Variants in AGPAT4 observed in about 807,000 individuals in gnomAD.
The protein encoded by AGPAT4 is 1-acyl-sn-glycerol-3-phosphate acyltransferase delta.
Under a neutral mutation model 48.0 loss-of-function variants are expected in AGPAT4, and 15 were observed. The observed-to-expected ratio is 0.31, with a 90% CI of 0.21 to 0.48. The LOEUF is 0.48. AGPAT4 is among the 20% of genes least tolerant of loss of function. AGPAT4 has a pLI of 0.99. For synonymous variants in AGPAT4, 178 were observed against 198.7 expected, an observed-to-expected ratio of 0.90 and a Z score of 0.88; for missense variants, 314 against 482.5, an observed-to-expected ratio of 0.65 and a Z score of 3.27.
In AGPAT4 at chr6:161,202,886, A is replaced by G. The variant is rs1330703362; in HGVS notation, c.178+29150T>C. 1.3e-4 allele frequency among the ~76,000 whole-genome samples: 20 copies of G among 152,186 alleles called. No homozygotes were observed. Among genetic ancestry groups the G allele is most frequent in the African/African-American group, 1.2e-4 (5 of 41,450 alleles). On this transcript the variant is annotated intron_variant, in intron 2 of 8. Transcript: ENST00000320285. This position sits in a 1 kb window ranked among gnomAD's most constrained non-coding sequence, Gnocchi z 5.4. ...TCTGCCATGGGGAAGCCTGGGCTAT[A>G]TGGATAGGTTACTCCAGTTGACAGC...
chr6:161,188,887 T>C (rs1487201729), intron 2 of AGPAT4, among the ~76,000 whole-genome samples: 1 of 152,070 alleles, frequency 6.6e-6, no homozygotes, highest in Non-Finnish European at 1.5e-5. Context: ...ATTTCACCAA[T>C]GGCAAATGGA....
intron 2 of AGPAT4, among the ~76,000 whole-genome samples, chr6:161,211,094 C>T (rs1781511359): frequency 6.6e-6 from 1 of 152,166 alleles, no homozygotes; most frequent in Non-Finnish European, 1.5e-5. Flanking sequence ...ATCTTTTTCA[C>T]GGTCTCAGTT....
In AGPAT4 at chr6:161,132,489, A is replaced by C. The variant is rs1778933022; in HGVS notation, c.*4051T>G. On this transcript the variant is annotated 3_prime_UTR_variant, in exon 9 of 9. Transcript: ENST00000320285. ...GCAGATGCCGCACTCAGCAGCCTGG[A>C]ATGCCAGCTCTCATGCCCTCACCTA... is the stretch of plus-strand genomic sequence containing the variant. 6.6e-6 allele frequency: 1 copy of C among 152,414 alleles called. No homozygotes were observed. The highest frequency in any genetic ancestry group is 2.4e-5 in the African/African-American group (1 of 41,464). 9.4% of individuals were successfully genotyped at this position (152,414 alleles called of 1,614,324 possible). A position where few individuals can be genotyped will look rare whatever the true frequency, so the allele number is the denominator to read the frequency against.
In AGPAT4 at chr6:161,197,869, A is replaced by G. The variant is rs1401427109; in HGVS notation, c.179-31452T>C. Among the ~76,000 whole-genome samples the G allele has an allele frequency of 6.6e-6, 1 of 152,214 alleles. No homozygotes were observed. Among genetic ancestry groups the G allele is most frequent in the Non-Finnish European group, 1.5e-5 (1 of 68,038 alleles). On this transcript the variant is annotated intron_variant, in intron 2 of 8. Coordinates refer to ENST00000320285, the MANE Select transcript of AGPAT4 (RefSeq NM_020133.3). The surrounding 1 kb of genome is among the most constrained non-coding windows in gnomAD (Gnocchi z 5.7). ...ATCAATAAATACCCACTGCTGATTG[A>G]TTGAAATGTGGTCTTGGCCTCACTG...
intron 3 of AGPAT4, among the ~76,000 whole-genome samples, chr6:161,156,087 C>T (rs761059766): frequency 9.2e-5 from 14 of 152,202 alleles, no homozygotes; most frequent in Admixed American, 3.9e-4. Context: ...GACAGTGATG[C>T]GGCTTATCTA....
chr6:161,258,833 A>G (rs73596923), intron 1 of AGPAT4, among the ~76,000 whole-genome samples: 4,732 of 150,170 alleles, frequency 0.032, 264 homozygotes, highest in African/African-American at 0.11. Context: ...GTCTCACTCT[A>G]TCGCCCAGGC....
chr6:161,216,587 G>C lies in AGPAT4; in HGVS notation c.178+15449C>G, dbSNP rs187395279. 6.6e-6 allele frequency among the ~76,000 whole-genome samples: 1 copy of C among 152,158 alleles called. No individual in the cohort carries two copies. Among genetic ancestry groups the C allele is most frequent in the Non-Finnish European group, 1.5e-5 (1 of 68,036 alleles). On this transcript the variant is annotated intron_variant, in intron 2 of 8. Transcript: ENST00000320285. This position sits in a 1 kb window ranked among gnomAD's most constrained non-coding sequence, Gnocchi z 4.8. ...ATTCAGATGATTTTCCCCAGTGTCC[G>C]TTTTCACACTGCTGCTGAAGACATG...
Position 161,144,454 on chromosome 6 carries a change from G to A in AGPAT4, c.843+2070C>T, listed in dbSNP as rs978929713. On this transcript the variant is annotated intron_variant, in intron 7 of 8. Coordinates refer to ENST00000320285, the MANE Select transcript of AGPAT4 (RefSeq NM_020133.3). This position sits in a 1 kb window ranked among gnomAD's most constrained non-coding sequence, Gnocchi z 6.6. Reference sequence around the variant, plus strand: ...ATCATTTAAATGTGAACATAGTTTAGAGGAAAACACCCTAAGAGACTTTTA... The same window carrying A: ...ATCATTTAAATGTGAACATAGTTTAAAGGAAAACACCCTAAGAGACTTTTA... Among the ~76,000 whole-genome samples, 1 of 152,132 alleles carries A rather than the reference G, an allele frequency of 6.6e-6. No homozygotes were observed. The highest frequency in any genetic ancestry group is 1.5e-5 in the Non-Finnish European group (1 of 68,030).
Position 161,219,860 on chromosome 6 carries a change from TAGATAGATAGATAGGCAGGC to T in AGPAT4, c.178+12156_178+12175del, listed in dbSNP as rs1188384785. ...ATAGATAGATAGATAGATAGATAGA[TAGATAGATAGATAGGCAGGC>T]AGGCAGGCAGGCAGGCAGGCAGGCA... On this transcript the variant is annotated intron_variant, in intron 2 of 8. Transcript: ENST00000320285. The surrounding 1 kb of genome is among the most constrained non-coding windows in gnomAD (Gnocchi z 4.9). Among the ~76,000 whole-genome samples the T allele has an allele frequency of 2.5e-5, 3 of 118,072 alleles. No homozygotes were observed. Among genetic ancestry groups the T allele is most frequent in the South Asian group, 2.7e-4 (1 of 3,720 alleles). The allele number at this position is 118,072 out of a possible 152,430, so 77.5% of individuals were successfully genotyped here.
chr6:161,152,548 G>A (rs1388373514), intron 5 of AGPAT4, among the ~76,000 whole-genome samples: 1 of 152,182 alleles, frequency 6.6e-6, no homozygotes, highest in Non-Finnish European at 1.5e-5. Flanking sequence ...AAACCAAGGG[G>A]CCCCAGATGC....
At position 161,146,265 on chromosome 6, in the gene AGPAT4, C is replaced by T. The variant is rs551553124; in HGVS notation, c.843+259G>A. On this transcript the variant is annotated intron_variant, in intron 7 of 8. Coordinates refer to ENST00000320285, the MANE Select transcript of AGPAT4 (RefSeq NM_020133.3). This position sits in a 1 kb window ranked among gnomAD's most constrained non-coding sequence, Gnocchi z 7.1. ...CCTTAGGACCAGAGGCAGGAAAATA[C>T]GAGCAGGGGCGATTGGGGCCATTAC... Among the ~76,000 whole-genome samples, 4 of 151,592 alleles carry T rather than the reference C, an allele frequency of 2.6e-5. No homozygotes were observed. Among genetic ancestry groups the T allele is most frequent in the East Asian group, 3.9e-4 (2 of 5,178 alleles).
In AGPAT4 at chr6:161,136,641, A is replaced by T. The variant is rs1779075900; in HGVS notation, c.1043-7T>A. 6.2e-7 allele frequency: 1 copy of T among 1,613,166 alleles called. No homozygotes were observed. The highest frequency in any genetic ancestry group is 8.5e-7 in the Non-Finnish European group (1 of 1,179,270). On this transcript the variant is annotated splice_region_variant and splice_polypyrimidine_tract_variant and intron_variant, in intron 8 of 8. Transcript: ENST00000320285. ...CATCGAACTCCCACGGAGGCTGCAG[A>T]GACAAGGAGAGCAGAGTTAGGAGTA... is the stretch of plus-strand genomic sequence containing the variant.
rs577557305 is a variant in AGPAT4, at chr6:161,179,673, T to G, written c.179-13256A>C. On this transcript the variant is annotated intron_variant, in intron 2 of 8. Coordinates refer to ENST00000320285, the MANE Select transcript of AGPAT4 (RefSeq NM_020133.3). ...AGACAGCAAGACCAACCCCTCTTCC[T>G]GGCCTCCTCAGCCTACCCAACATGA... 3.9e-5 allele frequency among the ~76,000 whole-genome samples: 6 copies of G among 152,264 alleles called. No individual in the cohort carries two copies. In the East Asian group the frequency reaches 1.2e-3, roughly 29 times the overall value.
chr6:161,152,257 T>C (rs941975392), intron 5 of AGPAT4, among the ~76,000 whole-genome samples: 1 of 150,384 alleles, frequency 6.6e-6, no homozygotes, highest in African/African-American at 2.4e-5. Context: ...AAGAAGAAAC[T>C]GGTTAACAGG....
At position 161,142,981 on chromosome 6, in the gene AGPAT4, C is replaced by T. The variant is rs901728304; in HGVS notation, c.844-3361G>A. On this transcript the variant is annotated intron_variant, in intron 7 of 8. Coordinates refer to ENST00000320285, the MANE Select transcript of AGPAT4 (RefSeq NM_020133.3). This position sits in a 1 kb window ranked among gnomAD's most constrained non-coding sequence, Gnocchi z 6.4. ...GAGCAGGAGAGCACAGTGTTTCCCA[C>T]GGGCCACCATGCCTGCACCCTGAAC... 1.3e-5 allele frequency among the ~76,000 whole-genome samples: 2 copies of T among 152,206 alleles called. No individual in the cohort carries two copies. The highest frequency in any genetic ancestry group is 1.3e-4 in the Admixed American group (2 of 15,280).
At chr6:161,145,627 A>T (rs1017803461) in intron 7 of AGPAT4, among the ~76,000 whole-genome samples, 2 of 151,656 alleles carry the variant, frequency 1.3e-5, no homozygotes, top group African/African-American at 4.9e-5. Context: ...ATCCTAACAC[A>T]TTCCCAAGTG....
At position 161,261,968 on chromosome 6, in the gene AGPAT4, G is replaced by C. The variant is rs1415501381; in HGVS notation, c.-90+11970C>G. Among the ~76,000 whole-genome samples the C allele has an allele frequency of 1.3e-5, 2 of 152,182 alleles. No homozygotes were observed. Among genetic ancestry groups the C allele is most frequent in the Non-Finnish European group, 2.9e-5 (2 of 68,036 alleles). On this transcript the variant is annotated intron_variant, in intron 1 of 8. Coordinates refer to ENST00000320285, the MANE Select transcript of AGPAT4 (RefSeq NM_020133.3). The surrounding 1 kb of genome is among the most constrained non-coding windows in gnomAD (Gnocchi z 5.3). ...CTGCTGACCCCCAGGCTCCCCATCTGTGAAATGGAGATAAGAAGAGTTCCT... is the reference window on the plus strand; with the variant it reads ...CTGCTGACCCCCAGGCTCCCCATCTCTGAAATGGAGATAAGAAGAGTTCCT...
chr6:161,160,939 A>T, intron 3 of AGPAT4: 1 of 454,004 alleles, frequency 2.2e-6, no homozygotes, highest in South Asian at 1.6e-5. Context: ...GCACCCCAGC[A>T]CCCTATAGAT....
rs1429840280 is a variant in AGPAT4 at position 161,140,082 on chromosome 6, C to T, written c.844-462G>A. On this transcript the variant is annotated intron_variant, in intron 7 of 8. Coordinates refer to ENST00000320285, the MANE Select transcript of AGPAT4 (RefSeq NM_020133.3). This position sits in a 1 kb window ranked among gnomAD's most constrained non-coding sequence, Gnocchi z 6.5. Reference sequence around the variant, plus strand: ...CTGGCCCGCAGTCAGGAGGAGCTCGCCCAGCCCGGCCCGGCACATGCCCCG... The same window carrying T: ...CTGGCCCGCAGTCAGGAGGAGCTCGTCCAGCCCGGCCCGGCACATGCCCCG... 6.6e-6 allele frequency among the ~76,000 whole-genome samples: 1 copy of T among 152,234 alleles called. No homozygotes were observed. The highest frequency in any genetic ancestry group is 1.5e-5 in the Non-Finnish European group (1 of 68,040).
Sources: gnomAD v4.1 joint callset for allele counts (sites outside exome capture counted in the v4.1 genomes callset) on GRCh38, gnomAD v4.1.1 for gene constraint, Gnocchi (gnomAD v3.1) non-coding constraint, MANE v1.5 for transcripts, NCBI Gene and HGNC (gene_info 2026-07-23, HGNC 2026-07-21) for gene names.